Variants in QTRT2 observed in about 807,000 individuals in gnomAD.
QTRT2 encodes queuine tRNA-ribosyltransferase accessory subunit 2.
A neutral mutation model predicts 44.8 loss-of-function variants in QTRT2; 32 were observed. The ratio of observed to expected loss-of-function variants is 0.71; its 90% CI spans 0.54 to 0.96. The LOEUF is 0.96. Ranked by LOEUF, QTRT2 falls within the 40% of genes least tolerant of loss-of-function variation. The pLI is 0.00. For synonymous variants in QTRT2, 182 were observed against 187.4 expected (o/e 0.97, Z 0.24); for missense variants, 461 against 503.1 (o/e 0.92, Z 0.80).
chr3:114,074,087 C>G (rs2077058943), intron 6 of QTRT2, among the ~76,000 whole-genome samples: 1 of 152,178 alleles, frequency 6.6e-6, no homozygotes, highest in Non-Finnish European at 1.5e-5. Context: ...ATCTGTTAGT[C>G]ACATCTGCTG....
chr3:114,064,221 A>C (rs2076923940), intron 2 of QTRT2, among the ~76,000 whole-genome samples: 1 of 152,170 alleles, frequency 6.6e-6, no homozygotes, highest in Non-Finnish European at 1.5e-5. Context: ...TGTCCAAAAA[A>C]AAATGAAAGA....
At chr3:114,074,613 A>G (rs1223822089) in intron 6 of QTRT2, among the ~76,000 whole-genome samples, 1 of 152,166 alleles carries the variant, frequency 6.6e-6, no homozygotes, top group Non-Finnish European at 1.5e-5. Flanking sequence ...GAATAGTCTG[A>G]TTATGTCCCT....
rs2077188572 is a variant in QTRT2, at chr3:114,083,128, C to T, written c.1016+334C>T. The T allele has an allele frequency of 1.9e-5, 5 of 265,044 alleles. No individual in the cohort carries two copies. In the South Asian group the frequency reaches 2.0e-4, roughly 11 times the overall value. The allele number at this position is 265,044 out of a possible 1,614,324, so 16.4% of individuals were successfully genotyped here. A position where few individuals can be genotyped will look rare whatever the true frequency, so the allele number is the denominator to read the frequency against. On this transcript the variant is annotated intron_variant, in intron 9 of 9. Transcript: ENST00000281273. ...CAACAAAGTTTTAAATTGTAGGGTG[C>T]CTAAGCCATCTTTGTTAGATACAGG...
intron 3 of QTRT2, among the ~76,000 whole-genome samples, chr3:114,065,730 A>C (rs1246061238): frequency 6.6e-6 from 1 of 152,090 alleles, no homozygotes; most frequent in East Asian, 1.9e-4. Flanking sequence ...CAGGGCGGGG[A>C]ATGTTCTGTG....
chr3:114,065,471 C>T lies in QTRT2; in HGVS notation c.200+14C>T. The T allele has an allele frequency of 6.3e-7, 1 of 1,594,648 alleles. No individual in the cohort carries two copies. Among genetic ancestry groups the T allele is most frequent in the Non-Finnish European group, 8.6e-7 (1 of 1,163,292 alleles). On this transcript the variant is annotated intron_variant, in intron 3 of 9. Transcript: ENST00000281273. The stretch of plus-strand genomic sequence containing the variant: ...GCTGTCATCCCTGTAAGTGTTAGAA[C>T]CAATGATTCAAGTATCAACTGTGGC...
chr3:114,079,927 G>A lies in QTRT2; in HGVS notation c.768G>A (p.Arg256=), dbSNP rs763533001. Residue 256 remains arginine (R), a synonymous_variant, in exon 8 of 10, where the codon CGG becomes CGA. Coordinates refer to ENST00000281273, the MANE Select transcript of QTRT2 (RefSeq NM_024638.4). ...DKPRLISGVS[R]PDEVLECIER... is the part of the protein sequence containing the mutation. ...ACAGGCTCATATCTGGTGTTAGTCG[G>A]CCAGATGAGGTGCTCGAGTGTATTG... 8.1e-6 allele frequency: 13 copies of A among 1,613,400 alleles called. No individual in the cohort carries two copies. The Admixed American group carries it at 1.7e-4, about 21-fold the overall frequency.
chr3:114,061,866 A>G (rs1033545744), intron 2 of QTRT2, among the ~76,000 whole-genome samples: 1 of 152,150 alleles, frequency 6.6e-6, no homozygotes, highest in Non-Finnish European at 1.5e-5. Flanking sequence ...GCGTGAGCCA[A>G]TGTGCCCAAC....
At chr3:114,081,200 G>A (rs931617977) in intron 8 of QTRT2, among the ~76,000 whole-genome samples, 2 of 151,820 alleles carry the variant, frequency 1.3e-5, no homozygotes, top group African/African-American at 2.4e-5. Context: ...TTAGGAAAAA[G>A]GAAATAGTTT....
intron 7 of QTRT2, chr3:114,078,133 C>T (rs2077117124): frequency 1.3e-5 from 2 of 152,374 alleles, no homozygotes; most frequent in Middle Eastern, 3.4e-3. Context: ...CCTTAGCCAG[C>T]CTTTGATCCC....
chr3:114,086,218 G>A lies in QTRT2; in HGVS notation c.*314G>A. On this transcript the variant is annotated 3_prime_UTR_variant, in exon 10 of 10. Transcript: ENST00000281273. ...CTGTGAGGGCACAGCCTTGAAGTGGGAGTGATGAGATTCTGAGGGACCCAT... is the reference window on the plus strand; with the variant it reads ...CTGTGAGGGCACAGCCTTGAAGTGGAAGTGATGAGATTCTGAGGGACCCAT... 1 of 329,892 alleles carries A rather than the reference G, an allele frequency of 3.0e-6. No homozygotes were observed. Among genetic ancestry groups the A allele is most frequent in the Non-Finnish European group, 5.8e-6 (1 of 171,118 alleles). 20.4% of individuals were successfully genotyped at this position (329,892 alleles called of 1,614,324 possible). A position where few individuals can be genotyped will look rare whatever the true frequency, so the allele number is the denominator to read the frequency against.
chr3:114,060,529 T>TA lies in QTRT2; in HGVS notation c.-22+3424dup, dbSNP rs1406794681. Among the ~76,000 whole-genome samples the TA allele has an allele frequency of 2.1e-5, 3 of 142,646 alleles. No individual in the cohort carries two copies. In the South Asian group the frequency reaches 6.9e-4, roughly 33 times the overall value. The allele number at this position is 142,646 out of a possible 152,430, so 93.6% of individuals were successfully genotyped here. On this transcript the variant is annotated intron_variant, in intron 2 of 9. Coordinates refer to ENST00000281273, the MANE Select transcript of QTRT2 (RefSeq NM_024638.4). Reference sequence around the variant, plus strand: ...ATAGATAGATAGATAGATAGATAGATAGATAGATAGATAGATAAGATAGAT... The same window carrying TA: ...ATAGATAGATAGATAGATAGATAGATAAGATAGATAGATAGATAAGATAGAT...
rs763879560 is a variant in QTRT2, at chr3:114,065,241, T to C, written c.-17T>C. 1 of 1,612,474 alleles carries C rather than the reference T, an allele frequency of 6.2e-7. No homozygotes were observed. The highest frequency in any genetic ancestry group is 8.5e-7 in the Non-Finnish European group (1 of 1,178,814). ...TTAATGCTCTTTTCTTGACAGGACC[T>C]AGAAGAATCCCTTAGGATGAAGCTG... On this transcript the variant is annotated 5_prime_UTR_variant, in exon 3 of 10. Coordinates refer to ENST00000281273, the MANE Select transcript of QTRT2 (RefSeq NM_024638.4).
intron 9 of QTRT2, among the ~76,000 whole-genome samples, chr3:114,083,427 C>G (rs533918980): frequency 2.6e-5 from 4 of 152,182 alleles, no homozygotes; most frequent in Admixed American, 2.0e-4. Context: ...ATGAGCAGTT[C>G]CTTTGAGCAT....
rs138590136 is a variant in QTRT2, at chr3:114,074,167, G to C, written c.547-2576G>C. On this transcript the variant is annotated intron_variant, in intron 6 of 9. Transcript: ENST00000281273. ...CATTCTAGCCTGGGCAATCATGTTT[G>C]TATCACACATAGCCTTATCTTTAGG... 2.4e-4 allele frequency among the ~76,000 whole-genome samples: 37 copies of C among 152,308 alleles called. 1 individual carries two copies. In the East Asian group the frequency reaches 4.6e-3, roughly 19 times the overall value.
At chr3:114,067,353 TTTA>T (rs1228843369) in intron 4 of QTRT2, among the ~76,000 whole-genome samples, 3 of 152,254 alleles carry the variant, frequency 2.0e-5, no homozygotes, top group African/African-American at 7.2e-5. Context: ...GGAATCCTGT[TTTA>T]TTTTCCTTAA....
rs200489158 is a variant in QTRT2 at position 114,085,768 on chromosome 3, A to G, written c.1112A>G (p.Asn371Ser). Reference sequence around the variant, plus strand: ...TACATCCACCATCTGCTGGTGACCAATGAGCTGCTGGCCGGAGTCCTGCTT... The same window carrying G: ...TACATCCACCATCTGCTGGTGACCAGTGAGCTGCTGGCCGGAGTCCTGCTT... ...RAYIHHLLVT[N>S]ELLAGVLLMM... Residue 371 changes from asparagine to serine, a missense_variant, in exon 10 of 10, where the codon AAT becomes AGT. By Grantham distance (46) the Asn-to-Ser change is conservative. Transcript: ENST00000281273. 9.0e-5 allele frequency: 146 copies of G among 1,614,176 alleles called. No individual in the cohort carries two copies. The East Asian group carries it at 2.7e-3, about 30-fold the overall frequency.
At chr3:114,068,774 A>G (rs1265929552) in intron 5 of QTRT2, among the ~76,000 whole-genome samples, 2 of 152,150 alleles carry the variant, frequency 1.3e-5, no homozygotes, top group Non-Finnish European at 2.9e-5. Context: ...TTGGCTGGGT[A>G]TGGTGGCTCA....
At position 114,066,228 on chromosome 3, in the gene QTRT2, A is replaced by G. The variant is rs2076952230; in HGVS notation, c.201A>G (p.Leu67=). The stretch of plus-strand genomic sequence containing the variant: ...ATGTATTTTTCTGTTTTGCTTACAG[A>G]GCAGAACATCATGAAGTCTTGACAG... ...PAMAQLTLSS[L]AEHHEVLTEY... Residue 67 remains leucine, a splice_region_variant and synonymous_variant, in exon 4 of 10, where the codon CTA becomes CTG. Transcript: ENST00000281273. 6.2e-7 allele frequency: 1 copy of G among 1,603,290 alleles called. No homozygotes were observed. The highest frequency in any genetic ancestry group is 8.5e-7 in the Non-Finnish European group (1 of 1,170,672).
Position 114,065,219 on chromosome 3 carries a change from A to T in QTRT2, c.-21-18A>T. On this transcript the variant is annotated intron_variant, in intron 2 of 9. Coordinates refer to ENST00000281273, the MANE Select transcript of QTRT2 (RefSeq NM_024638.4). ...TGTTGTGAAGCTCCTTCTATACTTA[A>T]TGCTCTTTTCTTGACAGGACCTAGA... The T allele has an allele frequency of 6.3e-7, 1 of 1,589,312 alleles. No homozygotes were observed. Among genetic ancestry groups the T allele is most frequent in the Admixed American group, 1.7e-5 (1 of 58,880 alleles).
Sources: gnomAD v4.1 joint callset for allele counts (sites outside exome capture counted in the v4.1 genomes callset) on GRCh38, gnomAD v4.1.1 for gene constraint, MANE v1.5 for transcripts, NCBI Gene and HGNC (gene_info 2026-07-23, HGNC 2026-07-21) for gene names.